ACADL: variants seen among roughly 807,000 people sequenced by gnomAD.
The protein encoded by ACADL is long-chain specific acyl-CoA dehydrogenase, mitochondrial.
Under a neutral mutation model 56.9 loss-of-function variants are expected in ACADL, and 60 were observed. That is an observed-to-expected ratio of 1.05 (90% CI 0.86 to 1.31). The LOEUF (loss-of-function observed/expected upper bound fraction) is 1.31. Among genes scored for constraint, ACADL ranks in the 50% most tolerant of loss-of-function variants. The pLI is 0.00. For synonymous variants in ACADL, 158 were observed against 179.7 expected (o/e 0.88, Z 0.97); for missense variants, 484 against 525.5 (o/e 0.92, Z 0.77).
chr2:210,194,069 C>T (rs754079319), intron 9 of ACADL, among the ~76,000 whole-genome samples: 4 of 152,010 alleles, frequency 2.6e-5, no homozygotes, highest in Non-Finnish European at 5.9e-5. Context: ...AACTAGTTGC[C>T]TCCTGTGTTT....
Position 210,200,855 on chromosome 2 carries a change from G to A in ACADL, c.984+2476C>T, listed in dbSNP as rs535801919. 2.0e-5 allele frequency among the ~76,000 whole-genome samples: 3 copies of A among 152,300 alleles called. No individual in the cohort carries two copies. The South Asian group carries it at 6.2e-4, about 32-fold the overall frequency. On this transcript the variant is annotated intron_variant, in intron 8 of 10. Transcript: ENST00000233710. ...GAAACAAAATGGAGCAAGGCATTAT[G>A]TAAGGAATAAAATAAGGATAACAGC...
chr2:210,220,366 G>T (rs2125718650), intron 2 of ACADL, among the ~76,000 whole-genome samples: 1 of 152,174 alleles, frequency 6.6e-6, no homozygotes, highest in Middle Eastern at 3.4e-3. Context: ...CTATGAAATT[G>T]ACTAGTATTT....
intron 1 of ACADL, among the ~76,000 whole-genome samples, chr2:210,223,750 T>G (rs1221148532): frequency 6.6e-6 from 1 of 152,220 alleles, no homozygotes; most frequent in Non-Finnish European, 1.5e-5. Flanking sequence ...TCTTTTCACT[T>G]TTTTTCTGTT....
intron 8 of ACADL, among the ~76,000 whole-genome samples, chr2:210,195,757 A>C (rs1688701344): frequency 6.6e-6 from 1 of 152,180 alleles, no homozygotes; most frequent in Admixed American, 6.5e-5. Flanking sequence ...TAATGAAATT[A>C]AGTATACAGA....
Position 210,225,401 on chromosome 2 carries a change from C to T in ACADL, c.-138G>A. Reference sequence around the variant, plus strand: ...CCTCCCAAAAAAGCGCTCGCGCGCGCCCTTCCGGAGCCCCAACCACGCCAC... The same window carrying T: ...CCTCCCAAAAAAGCGCTCGCGCGCGTCCTTCCGGAGCCCCAACCACGCCAC... On this transcript the variant is annotated 5_prime_UTR_variant, in exon 1 of 11. Coordinates refer to ENST00000233710, the MANE Select transcript of ACADL (RefSeq NM_001608.4). The T allele has an allele frequency of 4.2e-6, 4 of 963,582 alleles. No homozygotes were observed. The highest frequency in any genetic ancestry group is 6.0e-6 in the Non-Finnish European group (4 of 668,634). The allele number at this position is 963,582 out of a possible 1,614,324, so 59.7% of individuals were successfully genotyped here.
At chr2:210,191,159 C>T (rs140015911) in intron 10 of ACADL, among the ~76,000 whole-genome samples, 4 of 152,058 alleles carry the variant, frequency 2.6e-5, no homozygotes, top group Admixed American at 6.6e-5. Flanking sequence ...GTGATCCACC[C>T]GCTTTGGCAT....
intron 5 of ACADL, among the ~76,000 whole-genome samples, chr2:210,206,217 C>G (rs113130602): frequency 0.016 from 2,459 of 152,138 alleles, 69 homozygotes; most frequent in African/African-American, 0.056. Context: ...GCAAGAGGAT[C>G]ATTTGAGCTC....
At position 210,204,486 on chromosome 2, in the gene ACADL, A is replaced by C. The variant is rs1405318619; in HGVS notation, c.870+95T>G. ...CTATTTCACAAGTTTTGCATGTATA[A>C]ATTTGAATGCATAATATAGAAATAA... On this transcript the variant is annotated intron_variant, in intron 7 of 10. Transcript: ENST00000233710. 4.1e-6 allele frequency: 4 copies of C among 965,918 alleles called. No individual in the cohort carries two copies. In the East Asian group the frequency reaches 7.6e-5, roughly 18 times the overall value. 59.8% of individuals were successfully genotyped at this position (965,918 alleles called of 1,614,324 possible).
chr2:210,205,939 G>T, intron 5 of ACADL, 143 bp from the exon 6 acceptor site: 1 of 926,788 alleles, frequency 1.1e-6, no homozygotes, highest in Non-Finnish European at 1.7e-6. Flanking sequence ...CCAAATATCT[G>T]CAAAGTTGAT....
At chr2:210,219,594 T>G (rs1689142531) in intron 2 of ACADL, among the ~76,000 whole-genome samples, 1 of 152,216 alleles carries the variant, frequency 6.6e-6, no homozygotes. Context: ...ACCAAGAAGG[T>G]ATTAGTAAAA....
At chr2:210,190,706 CAAAAACAA>C (rs992690854) in intron 10 of ACADL, among the ~76,000 whole-genome samples, 19 of 151,354 alleles carry the variant, frequency 1.3e-4, no homozygotes, top group African/African-American at 3.9e-4. Flanking sequence ...TTAAAGAAGA[CAAAAACAA>C]AAAAACAAAA....
At chr2:210,208,856 T>C (rs1688933838) in intron 5 of ACADL, among the ~76,000 whole-genome samples, 1 of 152,238 alleles carries the variant, frequency 6.6e-6, no homozygotes, top group Non-Finnish European at 1.5e-5. Flanking sequence ...TACTTTTACT[T>C]GCTTTCAGTT....
At chr2:210,194,101 G>A (rs1256310150) in intron 9 of ACADL, among the ~76,000 whole-genome samples, 1 of 152,094 alleles carries the variant, frequency 6.6e-6, no homozygotes, top group African/African-American at 2.4e-5. Flanking sequence ...ATGAGCATGT[G>A]TATAAACCTG....
At chr2:210,202,753 CT>C (rs1003341822) in intron 8 of ACADL, among the ~76,000 whole-genome samples, 2 of 152,078 alleles carry the variant, frequency 1.3e-5, no homozygotes, top group Non-Finnish European at 2.9e-5. Context: ...TCTCCTTCCC[CT>C]CCCCTCTTCG....
chr2:210,195,193 T>TTAC lies in ACADL; in HGVS notation c.1112+15_1112+17dup. ...AGTCTGAGCACACACCGCACTCTAATTACTGTAGCATGCATACCAATATTT... is the reference window on the plus strand; with the variant it reads ...AGTCTGAGCACACACCGCACTCTAATTACTACTGTAGCATGCATACCAATATTT... On this transcript the variant is annotated intron_variant, in intron 9 of 10. Coordinates refer to ENST00000233710, the MANE Select transcript of ACADL (RefSeq NM_001608.4). 5.6e-6 allele frequency: 9 copies of TTAC among 1,613,710 alleles called. No individual in the cohort carries two copies. The highest frequency in any genetic ancestry group is 7.6e-6 in the Non-Finnish European group (9 of 1,179,780).
chr2:210,197,974 C>A (rs570508841), intron 8 of ACADL, among the ~76,000 whole-genome samples: 9 of 152,134 alleles, frequency 5.9e-5, no homozygotes, highest in Admixed American at 2.0e-4. Context: ...CAGATTTGGT[C>A]TTTGCTTTTC....
chr2:210,218,021 C>G lies in ACADL; in HGVS notation c.315G>C (p.Glu105Asp). The change falls in exon 3 of 11, where the codon GAG becomes GAC. Residue 105 changes from glutamate (E) to aspartate (D), a missense_variant. Coordinates refer to ENST00000233710, the MANE Select transcript of ACADL (RefSeq NM_001608.4). The stretch of plus-strand genomic sequence containing the variant: ...GATCCCCTCCAATTCCACCAAGATG[C>G]TCTGCAATATTGACACCAAGCAGTC... ...KQGLLGVNIAEHLGGIGGDLY... is the reference protein window; with the variant it reads ...KQGLLGVNIADHLGGIGGDLY... 1 of 1,614,064 alleles carries G rather than the reference C, an allele frequency of 6.2e-7. No individual in the cohort carries two copies. Among genetic ancestry groups the G allele is most frequent in the Non-Finnish European group, 8.5e-7 (1 of 1,180,006 alleles).
chr2:210,221,184 CAATGTTTA>C (rs1308530003), intron 1 of ACADL, among the ~76,000 whole-genome samples: 1 of 152,140 alleles, frequency 6.6e-6, no homozygotes, highest in East Asian at 1.9e-4. Flanking sequence ...ATATCATATA[CAATGTTTA>C]AAATAATGCA....
At position 210,187,960 on chromosome 2, in the gene ACADL, T is replaced by C. The variant is rs1688573542; in HGVS notation, c.*1001A>G. On this transcript the variant is annotated 3_prime_UTR_variant, in exon 11 of 11. Transcript: ENST00000233710. ...ATGGTTTATTTTTTGTAATTACTTT[T>C]AAGTCTTAAATCAAATGTCATTTCC... 6.6e-6 allele frequency: 1 copy of C among 152,244 alleles called. No homozygotes were observed. Among genetic ancestry groups the C allele is most frequent in the Admixed American group, 6.5e-5 (1 of 15,282 alleles). The allele number at this position is 152,244 out of a possible 1,614,324, so 9.4% of individuals were successfully genotyped here.
Sources: allele counts gnomAD v4.1 joint callset (sites outside exome capture counted in the v4.1 genomes callset), GRCh38; gene constraint gnomAD v4.1.1; transcripts MANE v1.5; gene names NCBI Gene and HGNC (gene_info 2026-07-23, HGNC 2026-07-21).